Variants in ZMIZ1 observed in about 807,000 individuals in gnomAD.
ZMIZ1 encodes zinc finger MIZ-type containing 1.
ZMIZ1 carries 17 observed loss-of-function variants against 113.9 expected under a neutral mutation model. The observed-to-expected ratio is 0.15, with a 90% confidence interval of 0.10 to 0.22. The LOEUF (loss-of-function observed/expected upper bound fraction) is 0.22. ZMIZ1 is among the 10% of genes least tolerant of loss of function. ZMIZ1 has a pLI of 1.00. For synonymous variants in ZMIZ1, 607 were observed against 603.1 expected, an observed-to-expected ratio of 1.01 and a Z score of -0.09; for missense variants, 1,059 against 1,477.8, an observed-to-expected ratio of 0.72 and a Z score of 4.65.
intron 1 of ZMIZ1, among the ~76,000 whole-genome samples, chr10:79,096,602 T>C (rs557406266): frequency 5.3e-5 from 8 of 151,584 alleles, no homozygotes; most frequent in Admixed American, 2.0e-4. Flanking sequence ...TCTGAAACCA[T>C]TGGCCGTTTT....
At chr10:79,210,751 G>A (rs1021538422) in intron 6 of ZMIZ1, among the ~76,000 whole-genome samples, 5 of 152,214 alleles carry the variant, frequency 3.3e-5, no homozygotes, top group African/African-American at 1.2e-4. Flanking sequence ...ATTATTTGGA[G>A]GGCAATGGGG....
intron 1 of ZMIZ1, among the ~76,000 whole-genome samples, chr10:79,075,223 T>G (rs1263521503): frequency 6.6e-6 from 1 of 152,164 alleles, no homozygotes; most frequent in Non-Finnish European, 1.5e-5. Context: ...TATCGCAGAC[T>G]GTCAGAGTGG....
intron 18 of ZMIZ1, among the ~76,000 whole-genome samples, chr10:79,303,701 A>T (rs1023119088): frequency 9.2e-5 from 14 of 152,176 alleles, no homozygotes; most frequent in African/African-American, 3.4e-4. Flanking sequence ...TGCCATAATG[A>T]CTTTCCATGA....
At chr10:79,298,952 T>C (rs1854104903) in intron 15 of ZMIZ1, 98 bp from the exon 16 acceptor site, 3 of 1,470,262 alleles carry the variant, frequency 2.0e-6, no homozygotes, top group Non-Finnish European at 2.7e-6. Flanking sequence ...CCTGCCTTCC[T>C]CTGAGCATGC....
intron 18 of ZMIZ1, 74 bp from the exon 19 acceptor site, chr10:79,303,941 G>A (rs1854509204): frequency 8.2e-6 from 13 of 1,584,768 alleles, no homozygotes; most frequent in African/African-American, 2.7e-5. Context: ...GAGGAAGTGG[G>A]GAGCACGTGC....
chr10:79,087,028 A>T (rs1842837034), intron 1 of ZMIZ1, among the ~76,000 whole-genome samples: 1 of 152,162 alleles, frequency 6.6e-6, no homozygotes, highest in Non-Finnish European at 1.5e-5. Context: ...TTGTTTTGTT[A>T]AGTGTTTTTA....
chr10:79,192,718 C>G (rs1247782172), intron 4 of ZMIZ1, among the ~76,000 whole-genome samples: 4 of 152,214 alleles, frequency 2.6e-5, no homozygotes, highest in African/African-American at 7.2e-5. Context: ...GATGGACTTT[C>G]CTGCTTGACA....
chr10:79,266,768 T>C (rs1327545321), intron 7 of ZMIZ1, among the ~76,000 whole-genome samples: 2 of 152,120 alleles, frequency 1.3e-5, no homozygotes, highest in Non-Finnish European at 2.9e-5. Flanking sequence ...CCCCTTTTCC[T>C]ATTTCTGGGG....
chr10:79,280,859 C>G (rs909237488), intron 8 of ZMIZ1, among the ~76,000 whole-genome samples: 1 of 152,168 alleles, frequency 6.6e-6, no homozygotes, highest in Non-Finnish European at 1.5e-5. Flanking sequence ...TCATCTGAAC[C>G]AAGCCGCTGA....
At chr10:79,127,764 C>T (rs1280740677) in intron 2 of ZMIZ1, among the ~76,000 whole-genome samples, 1 of 152,202 alleles carries the variant, frequency 6.6e-6, no homozygotes, top group Non-Finnish European at 1.5e-5. Flanking sequence ...GCAGGAGCTG[C>T]TGGGGGCCAG....
intron 8 of ZMIZ1, among the ~76,000 whole-genome samples, chr10:79,288,911 G>A (rs1409242603): frequency 1.3e-5 from 2 of 152,204 alleles, no homozygotes; most frequent in Non-Finnish European, 2.9e-5. Context: ...GGTGGGTACT[G>A]CTGGACCTGG....
intron 8 of ZMIZ1, among the ~76,000 whole-genome samples, chr10:79,279,808 G>A (rs987583213): frequency 6.6e-6 from 1 of 152,100 alleles, no homozygotes; most frequent in Non-Finnish European, 1.5e-5. Flanking sequence ...CAAAAAATAG[G>A]AAAACCAGTC....
At chr10:79,150,284 C>A (rs186007038) in intron 3 of ZMIZ1, among the ~76,000 whole-genome samples, 34 of 152,342 alleles carry the variant, frequency 2.2e-4, no homozygotes, top group Non-Finnish European at 3.4e-4. Flanking sequence ...GCTGGCACTT[C>A]TCCTATTTCC....
Position 79,289,893 on chromosome 10 carries a change from A to G in ZMIZ1, c.540+4A>G, listed in dbSNP as rs748477370. 1 of 1,613,652 alleles carries G rather than the reference A, an allele frequency of 6.2e-7. No homozygotes were observed. The highest frequency in any genetic ancestry group is 1.1e-5 in the South Asian group (1 of 91,036). On this transcript the variant is annotated splice_donor_region_variant and intron_variant, in intron 9 of 24. Coordinates refer to ENST00000334512, the MANE Select transcript of ZMIZ1 (RefSeq NM_020338.4). The stretch of plus-strand genomic sequence containing the variant: ...AACCAACACATCCCAGAGCCAGGTA[A>G]GAGCCTATACTGCCCTCAGCCACAG...
chr10:79,214,881 T>G (rs1848657521), intron 6 of ZMIZ1, among the ~76,000 whole-genome samples: 1 of 152,200 alleles, frequency 6.6e-6, no homozygotes, highest in African/African-American at 2.4e-5. Context: ...CTGGGAGTCA[T>G]GGGACACCTG....
At chr10:79,081,221 C>A (rs903662344) in intron 1 of ZMIZ1, among the ~76,000 whole-genome samples, 3 of 152,200 alleles carry the variant, frequency 2.0e-5, no homozygotes, top group African/African-American at 7.2e-5. Flanking sequence ...CCATTCTCTG[C>A]CTCAGAGATT....
At chr10:79,258,368 G>A (rs763663923) in intron 7 of ZMIZ1, among the ~76,000 whole-genome samples, 1 of 152,006 alleles carries the variant, frequency 6.6e-6, no homozygotes, top group East Asian at 1.9e-4. Flanking sequence ...TGGGTGGATA[G>A]AGCCAAATCC....
Position 79,201,636 on chromosome 10 carries a change from A to G in ZMIZ1, c.4A>G (p.Asn2Asp). The G allele has an allele frequency of 6.2e-7, 1 of 1,613,698 alleles. No homozygotes were observed. The highest frequency in any genetic ancestry group is 8.5e-7 in the Non-Finnish European group (1 of 1,179,868). The change falls in exon 5 of 25, where the codon AAT becomes GAT. Residue 2 changes from asparagine to aspartate, a missense_variant. By Grantham distance (23) the Asn-to-Asp change is conservative. Transcript: ENST00000334512. M[N>D]SMDRHIQQTN... Reference sequence around the variant, plus strand: ...AGAACCTAGTGAAACGGCCAGAATGAATTCTATGGACAGGCACATCCAGCA... The same window carrying G: ...AGAACCTAGTGAAACGGCCAGAATGGATTCTATGGACAGGCACATCCAGCA...
intron 1 of ZMIZ1, among the ~76,000 whole-genome samples, chr10:79,087,480 C>G (rs912385771): frequency 2.0e-5 from 3 of 152,148 alleles, no homozygotes; most frequent in African/African-American, 7.2e-5. Context: ...TCTTTGGACT[C>G]CACCTTCTGG....
Sources: gnomAD v4.1 joint callset for allele counts (sites outside exome capture counted in the v4.1 genomes callset) on GRCh38, gnomAD v4.1.1 for gene constraint, MANE v1.5 for transcripts, NCBI Gene and HGNC (gene_info 2026-07-23, HGNC 2026-07-21) for gene names.